RPS6KA2: variants seen among roughly 807,000 people sequenced by gnomAD.
RPS6KA2 encodes the protein ribosomal protein S6 kinase A2, also known as ribosomal protein S6 kinase alpha-2.
RPS6KA2 carries 42 observed loss-of-function variants against 91.8 expected under a neutral mutation model. That is an observed-to-expected ratio of 0.46 (90% confidence interval 0.36 to 0.59). RPS6KA2 has a LOEUF of 0.59. RPS6KA2 is among the 20% of genes least tolerant of loss of function. The pLI, the probability that RPS6KA2 is intolerant of heterozygous loss-of-function variation, is 0.00. For missense variants in RPS6KA2, 798 were observed against 978.5 expected (o/e 0.82, Z 2.46); for synonymous variants, 414 against 393.6 (o/e 1.05, Z -0.61).
At chr6:166,514,188 C>T (rs746406380) in intron 3 of RPS6KA2, among the ~76,000 whole-genome samples, 1 of 152,204 alleles carries the variant, frequency 6.6e-6, no homozygotes, top group African/African-American at 2.4e-5. Context: ...TTCCTTCCTC[C>T]CCCACCTCTT....
At chr6:166,763,906 G>T (rs1165053489) in intron 2 of RPS6KA2, among the ~76,000 whole-genome samples, 1 of 152,214 alleles carries the variant, frequency 6.6e-6, no homozygotes, top group Admixed American at 6.5e-5. Context: ...TCAGATCCAT[G>T]ACGGCACGGC....
intron 2 of RPS6KA2, among the ~76,000 whole-genome samples, chr6:166,680,756 T>TA (rs1788777226): frequency 6.6e-6 from 1 of 152,202 alleles, no homozygotes; most frequent in African/African-American, 2.4e-5. Context: ...GCTCCAGACA[T>TA]ACCATCTTTA....
chr6:166,508,383 G>A lies in RPS6KA2; in HGVS notation c.380-101C>T. On this transcript the variant is annotated intron_variant, in intron 4 of 20. Coordinates refer to ENST00000265678, the MANE Select transcript of RPS6KA2 (RefSeq NM_021135.6). The surrounding 1 kb of genome is among the most constrained non-coding windows in gnomAD (Gnocchi z 4.3). Reference sequence around the variant, plus strand: ...GCTCACGGTGCTGCTTACTCCGGGAGGCTGAGTCACTTGAGAAACGGCAGG... The same window carrying A: ...GCTCACGGTGCTGCTTACTCCGGGAAGCTGAGTCACTTGAGAAACGGCAGG... The A allele has an allele frequency of 1.3e-6, 1 of 775,564 alleles. No homozygotes were observed. Among genetic ancestry groups the A allele is most frequent in the Non-Finnish European group, 2.2e-6 (1 of 457,436 alleles). 48.0% of individuals were successfully genotyped at this position (775,564 alleles called of 1,614,324 possible).
At chr6:166,469,317 G>A (rs10946168) in intron 11 of RPS6KA2, among the ~76,000 whole-genome samples, 63,155 of 149,984 alleles carry the variant, frequency 0.42, 14,418 homozygotes, top group African/African-American at 0.6. Flanking sequence ...CCAACAACTC[G>A]GCACTGTTGT....
At position 166,419,986 on chromosome 6, in the gene RPS6KA2, C is replaced by T. The variant is rs771671284; in HGVS notation, c.1744-28G>A. The stretch of plus-strand genomic sequence containing the variant: ...AGGAGGGAACGACAGGACACCGGCA[C>T]GCCCTTCACTAAGGACATTCAGATT... On this transcript the variant is annotated intron_variant, in intron 17 of 20. Transcript: ENST00000265678. The surrounding 1 kb of genome is among the most constrained non-coding windows in gnomAD (Gnocchi z 5.6). 185 of 1,598,710 alleles carry T rather than the reference C, an allele frequency of 1.2e-4. No individual in the cohort carries two copies. The highest frequency in any genetic ancestry group is 5.0e-4 in the Middle Eastern group (3 of 6,058).
At position 166,737,052 on chromosome 6, in the gene RPS6KA2, A is replaced by C. The variant is rs1173749836; in HGVS notation, c.123+121148T>G. 6.6e-6 allele frequency among the ~76,000 whole-genome samples: 1 copy of C among 152,222 alleles called. No homozygotes were observed. Among genetic ancestry groups the C allele is most frequent in the Non-Finnish European group, 1.5e-5 (1 of 68,036 alleles). The stretch of plus-strand genomic sequence containing the variant: ...GAAGGGAAAGAGAGCGGCAAAGCGC[A>C]TGGAGCCTACGCTTTTTTACAGACG... On this transcript the variant is annotated intron_variant, in intron 2 of 21. Transcript: ENST00000503859. The surrounding 1 kb of genome is among the most constrained non-coding windows in gnomAD (Gnocchi z 4.3).
intron 2 of RPS6KA2, among the ~76,000 whole-genome samples, chr6:166,708,011 T>A (rs1377904227): frequency 6.6e-6 from 1 of 152,232 alleles, no homozygotes; most frequent in Non-Finnish European, 1.5e-5. Context: ...CCCAAAGTGC[T>A]GAGATTACAG....
At chr6:166,795,923 G>T (rs1010298300) in intron 2 of RPS6KA2, among the ~76,000 whole-genome samples, 1 of 152,236 alleles carries the variant, frequency 6.6e-6, no homozygotes, top group African/African-American at 2.4e-5. Context: ...AATAGTCAAG[G>T]ATAAGGGAAT....
chr6:166,702,305 C>G, intron 2 of RPS6KA2: 1 of 1,613,544 alleles, frequency 6.2e-7, no homozygotes, highest in Non-Finnish European at 8.5e-7. Context: ...GCCCCTCTGC[C>G]CAAGCCCCCG....
chr6:166,603,464 G>A lies in RPS6KA2; in HGVS notation c.99+23457C>T, dbSNP rs1785823889. On this transcript the variant is annotated intron_variant, in intron 1 of 20. Transcript: ENST00000265678. The surrounding 1 kb of genome is among the most constrained non-coding windows in gnomAD (Gnocchi z 4.3). ...ACACGGGAGATGGTGTGGGATGTGG[G>A]ATCTGAAAGGCTTCATTTGGCCTCA... 6.6e-6 allele frequency among the ~76,000 whole-genome samples: 1 copy of A among 152,180 alleles called. No individual in the cohort carries two copies. Among genetic ancestry groups the A allele is most frequent in the Admixed American group, 6.5e-5 (1 of 15,280 alleles).
rs1365469445 is a variant in RPS6KA2, at chr6:166,733,713, C to T, written c.123+124487G>A. On this transcript the variant is annotated intron_variant, in intron 2 of 21. Transcript: ENST00000503859. The surrounding 1 kb of genome is among the most constrained non-coding windows in gnomAD (Gnocchi z 4.1). ...GGCACAGGTCACATTTCAGCGGGTT[C>T]CGGAGCTCACTCTAAGTGGGGAAGT... is the stretch of plus-strand genomic sequence containing the variant. Among the ~76,000 whole-genome samples, 2 of 152,158 alleles carry T rather than the reference C, an allele frequency of 1.3e-5. No individual in the cohort carries two copies. The highest frequency in any genetic ancestry group is 1.9e-4 in the East Asian group (1 of 5,186).
chr6:166,561,062 T>G (rs939795266), intron 1 of RPS6KA2, among the ~76,000 whole-genome samples: 8 of 151,996 alleles, frequency 5.3e-5, no homozygotes, highest in African/African-American at 1.9e-4. Flanking sequence ...TATCCACCAT[T>G]AAAACAAAAA....
rs980137986 is a variant in RPS6KA2 at position 166,412,709 on chromosome 6, C to A, written c.*53G>T. 2 of 1,530,954 alleles carry A rather than the reference C, an allele frequency of 1.3e-6. No individual in the cohort carries two copies. The highest frequency in any genetic ancestry group is 1.2e-5 in the South Asian group (1 of 82,860). 94.8% of individuals were successfully genotyped at this position (1,530,954 alleles called of 1,614,324 possible). ...GCCAGACGGGCTCCGAGGCCGGGGT[C>A]TGTGAGCCCACGAGGATGCTGGCAG... is the stretch of plus-strand genomic sequence containing the variant. On this transcript the variant is annotated 3_prime_UTR_variant, in exon 21 of 21. Coordinates refer to ENST00000265678, the MANE Select transcript of RPS6KA2 (RefSeq NM_021135.6). This position sits in a 1 kb window ranked among gnomAD's most constrained non-coding sequence, Gnocchi z 4.3.
rs565017829 is a variant in RPS6KA2, at chr6:166,424,500, G to C, written c.1582-1083C>G. On this transcript the variant is annotated intron_variant, in intron 16 of 20. Transcript: ENST00000265678. ...AAACACTGGGAAGAGATGGCGCACA[G>C]AGGAAACATGTGATACGGTGCAGCT... Among the ~76,000 whole-genome samples, 8 of 152,356 alleles carry C rather than the reference G, an allele frequency of 5.3e-5. 1 individual carries two copies. The highest frequency in any genetic ancestry group is 1.7e-4 in the African/African-American group (7 of 41,586).
chr6:166,447,538 AAC>A (rs1779719610), intron 14 of RPS6KA2, among the ~76,000 whole-genome samples: 1 of 152,326 alleles, frequency 6.6e-6, no homozygotes, highest in East Asian at 1.9e-4. Flanking sequence ...CAGTGCAAGA[AAC>A]ACGGTAGACG....
At chr6:166,758,729 C>T (rs1778090458) in intron 2 of RPS6KA2, among the ~76,000 whole-genome samples, 1 of 152,166 alleles carries the variant, frequency 6.6e-6, no homozygotes, top group Non-Finnish European at 1.5e-5. Context: ...GATATAAAAA[C>T]ACAGGACTTG....
intron 11 of RPS6KA2, among the ~76,000 whole-genome samples, chr6:166,469,326 G>GTTTTTTTTT (rs60876703): frequency 1.5e-5 from 2 of 137,776 alleles, no homozygotes; most frequent in East Asian, 2.1e-4. Flanking sequence ...CGGCACTGTT[G>GTTTTTTTTT]TTTTTTTTTT....
At chr6:166,735,104 C>T (rs1562407904) in intron 2 of RPS6KA2, among the ~76,000 whole-genome samples, 1 of 152,188 alleles carries the variant, frequency 6.6e-6, no homozygotes, top group Non-Finnish European at 1.5e-5. Context: ...TCTGAGAAGG[C>T]CCTAAGCGTG....
chr6:166,778,231 G>A (rs80180276), intron 2 of RPS6KA2, among the ~76,000 whole-genome samples: 1,691 of 152,348 alleles, frequency 0.011, 28 homozygotes, highest in African/African-American at 0.035. Context: ...TGGGGCTCAC[G>A]AAAGGGCAAA....
Sources: gnomAD v4.1 joint callset for allele counts (sites outside exome capture counted in the v4.1 genomes callset) on GRCh38, gnomAD v4.1.1 for gene constraint, Gnocchi (gnomAD v3.1) non-coding constraint, MANE v1.5 for transcripts, NCBI Gene and HGNC (gene_info 2026-07-23, HGNC 2026-07-21) for gene names.